Variants in NEDD4L observed in about 807,000 individuals in gnomAD.
NEDD4L encodes the protein E3 ubiquitin-protein ligase NEDD4-like.
A neutral mutation model predicts 148.9 loss-of-function variants in NEDD4L; 54 were observed. The ratio of observed to expected loss-of-function variants is 0.36; its 90% CI spans 0.29 to 0.45. The LOEUF is 0.45. Ranked by LOEUF, NEDD4L falls within the 20% of genes least tolerant of loss-of-function variation. The probability of loss-of-function intolerance (pLI) is 1.00; values close to 1 mark genes in which losing one functional copy is unlikely to be tolerated. For synonymous variants in NEDD4L, 433 were observed against 440.7 expected, an observed-to-expected ratio of 0.98 and a Z score of 0.22; for missense variants, 856 against 1,233.8, an observed-to-expected ratio of 0.69 and a Z score of 4.59.
At chr18:58,225,866 A>G (rs914315111) in intron 2 of NEDD4L, among the ~76,000 whole-genome samples, 1 of 152,194 alleles carries the variant, frequency 6.6e-6, no homozygotes, top group Non-Finnish European at 1.5e-5. Flanking sequence ...AATCAGGGTA[A>G]GGCCATCACA....
intron 5 of NEDD4L, among the ~76,000 whole-genome samples, chr18:58,268,495 T>A (rs2050552564): frequency 6.6e-6 from 1 of 152,028 alleles, no homozygotes; most frequent in South Asian, 2.1e-4. Flanking sequence ...ATCAAAGAGG[T>A]ATATTTTGGG....
chr18:58,092,138 A>G (rs2084109024), intron 1 of NEDD4L, among the ~76,000 whole-genome samples: 1 of 152,268 alleles, frequency 6.6e-6, no homozygotes, highest in Non-Finnish European at 1.5e-5. Context: ...GGCAGGGGGC[A>G]GAAGTCAGGG....
At chr18:58,081,051 T>G (rs2083404471) in intron 1 of NEDD4L, among the ~76,000 whole-genome samples, 2 of 152,116 alleles carry the variant, frequency 1.3e-5, no homozygotes, top group Non-Finnish European at 2.9e-5. Flanking sequence ...ACAGTAACAG[T>G]GTTCTCTGCT....
chr18:58,252,512 A>T (rs2048054214), intron 5 of NEDD4L, among the ~76,000 whole-genome samples: 1 of 152,214 alleles, frequency 6.6e-6, no homozygotes, highest in Non-Finnish European at 1.5e-5. Context: ...GCAAAAAGTG[A>T]ATCTACATTT....
At chr18:58,130,468 G>A (rs1425570578) in intron 1 of NEDD4L, among the ~76,000 whole-genome samples, 9 of 134,366 alleles carry the variant, frequency 6.7e-5, no homozygotes, top group African/African-American at 1.4e-4. Context: ...GTGATCTAGC[G>A]GAACTGTGGC....
intron 2 of NEDD4L, among the ~76,000 whole-genome samples, chr18:58,180,560 A>C (rs1599425819): frequency 2.0e-5 from 3 of 150,032 alleles, no homozygotes; most frequent in African/African-American, 4.9e-5. Flanking sequence ...CTGCCTCCCC[A>C]CCCCTTGGCT....
At chr18:58,219,961 G>A (rs2000855) in intron 2 of NEDD4L, among the ~76,000 whole-genome samples, 123 of 152,250 alleles carry the variant, frequency 8.1e-4, no homozygotes, top group African/African-American at 2.9e-3. Flanking sequence ...TAACCTTCCA[G>A]CTAGTGTGTA....
intron 13 of NEDD4L, among the ~76,000 whole-genome samples, chr18:58,338,030 G>A (rs546923804): frequency 1.3e-5 from 2 of 152,282 alleles, no homozygotes; most frequent in East Asian, 3.9e-4. Context: ...GCAAGTCTTG[G>A]CAAATCTGTG....
chr18:58,297,612 C>CTA (rs2055836724), intron 5 of NEDD4L, among the ~76,000 whole-genome samples: 1 of 152,058 alleles, frequency 6.6e-6, no homozygotes, highest in Non-Finnish European at 1.5e-5. Context: ...GAAAACTGGC[C>CTA]CACAGATTTA....
In NEDD4L at chr18:58,075,304, C is replaced by T. The variant is rs182176266; in HGVS notation, c.48+30596C>T. The stretch of plus-strand genomic sequence containing the variant: ...TAGCTGGGATTACAGGCGCACACCA[C>T]CATGCCCGACTACTTTTTCTACTTT... On this transcript the variant is annotated intron_variant, in intron 1 of 30. Transcript: ENST00000400345. Among the ~76,000 whole-genome samples, 373 of 152,296 alleles carry T rather than the reference C, an allele frequency of 2.4e-3. 3 individuals are homozygous for T. Among genetic ancestry groups the T allele is most frequent in the African/African-American group, 8.2e-3 (341 of 41,564 alleles).
At chr18:58,070,425 T>C (rs1199181481) in intron 1 of NEDD4L, among the ~76,000 whole-genome samples, 1 of 152,206 alleles carries the variant, frequency 6.6e-6, no homozygotes, top group East Asian at 1.9e-4. Flanking sequence ...TGTGCCACCA[T>C]GCCCAGCTAA....
At chr18:58,371,146 C>G (rs11152070) in intron 23 of NEDD4L, among the ~76,000 whole-genome samples, 40,767 of 151,136 alleles carry the variant, frequency 0.27, 5,707 homozygotes, top group Middle Eastern at 0.36. Flanking sequence ...TAGCAATTCC[C>G]CTGCCTCAGC....
Position 58,152,108 on chromosome 18 carries a change from TAA to T in NEDD4L, c.49-13670_49-13669del, listed in dbSNP as rs35813484. On this transcript the variant is annotated intron_variant, in intron 1 of 30. Transcript: ENST00000400345. ...CATTACTCATGTTCTTCAGAAAAATTAAAAAAAAAAACTCAGTCATTATAGAC... is the reference window on the plus strand; with the variant it reads ...CATTACTCATGTTCTTCAGAAAAATTAAAAAAAAACTCAGTCATTATAGAC... Among the ~76,000 whole-genome samples the T allele has an allele frequency of 8.5e-3, 1,274 of 149,072 alleles. 15 individuals are homozygous for T. Among genetic ancestry groups the T allele is most frequent in the African/African-American group, 0.03 (1,208 of 40,666 alleles).
At chr18:58,395,624 G>T (rs1568962412) in intron 30 of NEDD4L, among the ~76,000 whole-genome samples, 1 of 152,150 alleles carries the variant, frequency 6.6e-6, no homozygotes, top group Non-Finnish European at 1.5e-5. Flanking sequence ...GACAGCCTGG[G>T]TTCTGTTTGT....
At chr18:58,044,796 G>A (rs2081497545) in intron 1 of NEDD4L, 88 bp downstream of exon 1, 1 of 1,509,090 alleles carries the variant, frequency 6.6e-7, no homozygotes, top group Non-Finnish European at 8.9e-7. Flanking sequence ...CGTCCCCGGG[G>A]TGCTCGTGCC....
chr18:58,257,371 C>T (rs745518877), intron 5 of NEDD4L, among the ~76,000 whole-genome samples: 1 of 151,954 alleles, frequency 6.6e-6, no homozygotes, highest in African/African-American at 2.4e-5. Flanking sequence ...TAATACTGAA[C>T]GAGAGTAGTG....
intron 1 of NEDD4L, chr18:58,149,336 A>G (rs965160343): frequency 1.0e-5 from 14 of 1,348,442 alleles, no homozygotes; most frequent in Non-Finnish European, 1.3e-5. Context: ...AGAGGAAGCC[A>G]TTTCCAGAGA....
chr18:58,308,619 G>A (rs958710979), intron 5 of NEDD4L, among the ~76,000 whole-genome samples: 1 of 152,254 alleles, frequency 6.6e-6, no homozygotes, highest in Non-Finnish European at 1.5e-5. Context: ...CCATCAGGGT[G>A]ACAGGCAGCA....
intron 1 of NEDD4L, among the ~76,000 whole-genome samples, chr18:58,109,244 G>C (rs529738324): frequency 4.6e-5 from 7 of 152,234 alleles, no homozygotes; most frequent in Non-Finnish European, 7.3e-5. Context: ...ATTCAGGTGT[G>C]TTCAGGTTGT....
Sources: gnomAD v4.1 joint callset for allele counts (sites outside exome capture counted in the v4.1 genomes callset) on GRCh38, gnomAD v4.1.1 for gene constraint, MANE v1.5 for transcripts, NCBI Gene and HGNC (gene_info 2026-07-23, HGNC 2026-07-21) for gene names.